Variants in PTPRG observed in about 807,000 individuals in gnomAD.
PTPRG encodes the protein receptor-type tyrosine-protein phosphatase gamma.
A neutral mutation model predicts 165.3 loss-of-function variants in PTPRG; 102 were observed. That is an observed-to-expected ratio of 0.62 (90% CI 0.53 to 0.73). The LOEUF (loss-of-function observed/expected upper bound fraction) is 0.73. Among genes scored for constraint, PTPRG ranks in the 30% least tolerant of loss-of-function variants. PTPRG has a pLI of 0.00. For synonymous variants in PTPRG, 675 were observed against 669.5 expected (o/e 1.01, Z -0.13); for missense variants, 1,866 against 1,861.4 (o/e 1.00, Z -0.05).
At chr3:61,825,615 C>G (rs528294360) in intron 2 of PTPRG, among the ~76,000 whole-genome samples, 2 of 151,356 alleles carry the variant, frequency 1.3e-5, no homozygotes, top group East Asian at 2.0e-4. Flanking sequence ...AAGATAAGGT[C>G]TTAGTTCTAC....
chr3:62,177,074 G>C (rs1413250774), intron 8 of PTPRG, among the ~76,000 whole-genome samples: 2 of 151,714 alleles, frequency 1.3e-5, no homozygotes, highest in African/African-American at 4.8e-5. Context: ...GACCAGCTTG[G>C]GCAACAGTGA....
intron 1 of PTPRG, among the ~76,000 whole-genome samples, chr3:61,639,804 G>A (rs962906315): frequency 1.3e-5 from 2 of 151,424 alleles, no homozygotes; most frequent in African/African-American, 2.4e-5. Context: ...TTCCAGGAGC[G>A]TTTGTCTTTA....
At chr3:62,030,899 G>A (rs763182027) in intron 4 of PTPRG, among the ~76,000 whole-genome samples, 1 of 152,196 alleles carries the variant, frequency 6.6e-6, no homozygotes, top group Non-Finnish European at 1.5e-5. Flanking sequence ...ATCTAAAGCA[G>A]ATGCTTTAGA....
At position 62,273,962 on chromosome 3, in the gene PTPRG, C is replaced by A. The variant is rs80233087; in HGVS notation, c.3465+118C>A. 0.067 allele frequency: 62,957 copies of A among 938,800 alleles called. 2,199 individuals carry two copies. Among genetic ancestry groups the A allele is most frequent in the Non-Finnish European group, 0.075 (47,472 of 632,026 alleles). 58.2% of individuals were successfully genotyped at this position (938,800 alleles called of 1,614,324 possible). On this transcript the variant is annotated intron_variant, in intron 23 of 29. Transcript: ENST00000474889. This position sits in a 1 kb window ranked among gnomAD's most constrained non-coding sequence, Gnocchi z 4.1. ...ACACCGAAATGGATTACTATTTGTA[C>A]TCCTTGTACTCCTTAAATGTGATGA...
chr3:62,167,130 T>G (rs747955766), intron 7 of PTPRG, among the ~76,000 whole-genome samples: 5 of 152,214 alleles, frequency 3.3e-5, no homozygotes, highest in Non-Finnish European at 5.9e-5. Context: ...AATTGAGGAC[T>G]TAACTGTGTG....
intron 2 of PTPRG, among the ~76,000 whole-genome samples, chr3:61,826,201 C>T (rs1481107929): frequency 5.3e-5 from 8 of 152,114 alleles, no homozygotes; most frequent in East Asian, 1.9e-4. Flanking sequence ...TTGTTTCTCT[C>T]GTGGAAATTT....
chr3:62,028,840 A>T (rs183413028), intron 4 of PTPRG, among the ~76,000 whole-genome samples: 12 of 152,296 alleles, frequency 7.9e-5, no homozygotes, highest in Admixed American at 7.2e-4. Flanking sequence ...CTTCTGCTGT[A>T]GACAGCTTCT....
chr3:62,291,812 C>A (rs1283739383), intron 28 of PTPRG, among the ~76,000 whole-genome samples: 5 of 152,104 alleles, frequency 3.3e-5, no homozygotes, highest in Admixed American at 2.0e-4. Flanking sequence ...AAATTTACTA[C>A]CTTTCTAAGA....
At chr3:62,110,627 G>A (rs1463092331) in intron 5 of PTPRG, among the ~76,000 whole-genome samples, 1 of 151,856 alleles carries the variant, frequency 6.6e-6, no homozygotes, top group Non-Finnish European at 1.5e-5. Flanking sequence ...AATAGAGTTT[G>A]CAAGGCAGCA....
intron 8 of PTPRG, among the ~76,000 whole-genome samples, chr3:62,181,067 G>A (rs981243112): frequency 6.6e-6 from 1 of 152,172 alleles, no homozygotes; most frequent in Non-Finnish European, 1.5e-5. Context: ...TTGTAATTCA[G>A]GGCTTGTTCA....
chr3:61,984,231 T>G (rs1331227056), intron 2 of PTPRG, among the ~76,000 whole-genome samples: 4 of 152,230 alleles, frequency 2.6e-5, no homozygotes, highest in African/African-American at 9.6e-5. Flanking sequence ...TGGATTATTT[T>G]AATGCAGAAA....
intron 1 of PTPRG, among the ~76,000 whole-genome samples, chr3:61,725,697 C>T (rs1469895780): frequency 6.8e-6 from 1 of 146,532 alleles, no homozygotes; most frequent in East Asian, 2.2e-4. Context: ...CCTACCTCCA[C>T]CACTACCCCC....
intron 4 of PTPRG, among the ~76,000 whole-genome samples, chr3:62,056,367 C>G (rs925206634): frequency 6.6e-6 from 1 of 152,110 alleles, no homozygotes; most frequent in African/African-American, 2.4e-5. Flanking sequence ...CCCATGAGGG[C>G]TTTGAATGTG....
chr3:62,061,057 C>G (rs1700793313), intron 4 of PTPRG, among the ~76,000 whole-genome samples: 1 of 152,154 alleles, frequency 6.6e-6, no homozygotes, highest in Admixed American at 6.5e-5. Flanking sequence ...TCTTGAACTC[C>G]CTGAATCTCC....
Position 61,613,174 on chromosome 3 carries a change from A to G in PTPRG, c.85+50802A>G, listed in dbSNP as rs537937748. Among the ~76,000 whole-genome samples, 95 of 152,348 alleles carry G rather than the reference A, an allele frequency of 6.2e-4. 1 individual carries two copies. Among genetic ancestry groups the G allele is most frequent in the Non-Finnish European group, 1.3e-3 (88 of 68,044 alleles). On this transcript the variant is annotated intron_variant, in intron 1 of 29. Coordinates refer to ENST00000474889, the MANE Select transcript of PTPRG (RefSeq NM_002841.4). Reference sequence around the variant, plus strand: ...TAGCAAATGCATTTGCTGGCAATAGAAAGCAAAGGGCTTTTTCTATTTTTA... The same window carrying G: ...TAGCAAATGCATTTGCTGGCAATAGGAAGCAAAGGGCTTTTTCTATTTTTA...
intron 1 of PTPRG, among the ~76,000 whole-genome samples, chr3:61,598,290 T>G (rs973293359): frequency 2.0e-5 from 3 of 152,160 alleles, no homozygotes; most frequent in African/African-American, 7.2e-5. Context: ...TTGGGTGTTT[T>G]TATTCACCAC....
chr3:61,755,795 T>G (rs917261850), intron 2 of PTPRG, among the ~76,000 whole-genome samples: 1 of 152,222 alleles, frequency 6.6e-6, no homozygotes, highest in South Asian at 2.1e-4. Flanking sequence ...AGTTAGACTA[T>G]GGACAGCCTT....
In PTPRG at chr3:61,563,254, C is replaced by G. The variant is rs939236793; in HGVS notation, c.85+882C>G. 2.6e-5 allele frequency among the ~76,000 whole-genome samples: 4 copies of G among 152,300 alleles called. No individual in the cohort carries two copies. In the East Asian group the frequency reaches 7.7e-4, roughly 29 times the overall value. On this transcript the variant is annotated intron_variant, in intron 1 of 29. Coordinates refer to ENST00000474889, the MANE Select transcript of PTPRG (RefSeq NM_002841.4). The stretch of plus-strand genomic sequence containing the variant: ...ACCTTCATCTTTGCCCTTTTGCAGG[C>G]TGTTCGCGGCTGGCAGACCCAGTCT...
At chr3:61,652,619 T>G (rs1054866736) in intron 1 of PTPRG, among the ~76,000 whole-genome samples, 6 of 151,982 alleles carry the variant, frequency 3.9e-5, no homozygotes, top group South Asian at 2.1e-4. Context: ...AATGTTTCTT[T>G]TCTTATTTAT....
Sources: allele counts gnomAD v4.1 joint callset (sites outside exome capture counted in the v4.1 genomes callset), GRCh38; gene constraint gnomAD v4.1.1; non-coding constraint Gnocchi (gnomAD v3.1); transcripts MANE v1.5; gene names NCBI Gene and HGNC (gene_info 2026-07-23, HGNC 2026-07-21).